The following MPDZ variants were observed in gnomAD, a reference collection of about 807,000 sequenced individuals.
MPDZ encodes the protein multiple PDZ domain crumbs cell polarity complex component.
Under a neutral mutation model 239.1 loss-of-function variants are expected in MPDZ, and 234 were observed. That is an observed-to-expected ratio of 0.98 (90% CI 0.88 to 1.09). The LOEUF is 1.09. Among genes scored for constraint, MPDZ ranks in the 50% least tolerant of loss-of-function variants. MPDZ has a pLI of 0.00. For missense variants in MPDZ, 3,175 were observed against 2,510.0 expected (o/e 1.26, Z -5.66); for synonymous variants, 1,048 against 881.3 (o/e 1.19, Z -3.35).
At chr9:13,142,591 T>A (rs2132581904) in intron 27 of MPDZ, among the ~76,000 whole-genome samples, 1 of 152,268 alleles carries the variant, frequency 6.6e-6, no homozygotes, top group East Asian at 1.9e-4. Flanking sequence ...AAGCACACTG[T>A]AACACACCCA....
chr9:13,215,251 T>C (rs1216964175), intron 10 of MPDZ, among the ~76,000 whole-genome samples: 1 of 151,838 alleles, frequency 6.6e-6, no homozygotes, highest in Non-Finnish European at 1.5e-5. Flanking sequence ...CTTAGCATAA[T>C]GTCCTCAAGG....
chr9:13,250,227 C>T (rs1319364966), intron 2 of MPDZ, 73 bp downstream of exon 2: 4 of 1,417,910 alleles, frequency 2.8e-6, no homozygotes, highest in Admixed American at 1.9e-5. Flanking sequence ...ATGTTAAACA[C>T]AACATATGTC....
chr9:13,181,913 A>C (rs150193898), intron 19 of MPDZ, among the ~76,000 whole-genome samples: 23 of 152,250 alleles, frequency 1.5e-4, no homozygotes, highest in South Asian at 4.1e-4. Flanking sequence ...ACATTCCAGA[A>C]CACATTCCAG....
intron 21 of MPDZ, among the ~76,000 whole-genome samples, chr9:13,175,522 G>A (rs561319083): frequency 6.6e-6 from 1 of 152,030 alleles, no homozygotes; most frequent in Non-Finnish European, 1.5e-5. Flanking sequence ...TGTAAATGAG[G>A]CTTGTGAATA....
chr9:13,114,555 T>C (rs534179571), intron 40 of MPDZ, among the ~76,000 whole-genome samples: 2 of 152,324 alleles, frequency 1.3e-5, no homozygotes, highest in South Asian at 2.1e-4. Flanking sequence ...TTCACTTATA[T>C]GGGACTTTTC....
chr9:13,197,683 G>C (rs1331132315), intron 12 of MPDZ, among the ~76,000 whole-genome samples: 3 of 151,870 alleles, frequency 2.0e-5, no homozygotes, highest in Admixed American at 6.6e-5. Flanking sequence ...CTGTGCTGTT[G>C]AACACTAGAA....
intron 18 of MPDZ, among the ~76,000 whole-genome samples, chr9:13,184,183 A>G (rs1953765680): frequency 6.6e-6 from 1 of 152,050 alleles, no homozygotes; most frequent in South Asian, 2.1e-4. Flanking sequence ...ATAAACTTGT[A>G]AGAAAACTCA....
At position 13,115,165 on chromosome 9, in the gene MPDZ, T is replaced by C. The variant is rs1034007374; in HGVS notation, c.5466+83A>G. 6.7e-6 allele frequency: 8 copies of C among 1,200,504 alleles called. No homozygotes were observed. The East Asian group carries it at 1.2e-4, about 18-fold the overall frequency. The allele number at this position is 1,200,504 out of a possible 1,614,324, so 74.4% of individuals were successfully genotyped here. A position where few individuals can be genotyped will look rare whatever the true frequency, so the allele number is the denominator to read the frequency against. ...CACGCTGCCAGGGGACCAGACCTTG[T>C]ACACAGACCCACAGTCAGGGCCATC... is the stretch of plus-strand genomic sequence containing the variant. On this transcript the variant is annotated intron_variant, in intron 40 of 46. Transcript: ENST00000319217.
chr9:13,222,186 A>G (rs1464663516), intron 6 of MPDZ, 47 bp downstream of exon 6: 2 of 1,516,010 alleles, frequency 1.3e-6, no homozygotes, highest in South Asian at 2.6e-5. Flanking sequence ...AACCAAAAAC[A>G]ACTTGAAAAA....
At chr9:13,180,014 T>G (rs1352150639) in intron 19 of MPDZ, among the ~76,000 whole-genome samples, 2 of 152,112 alleles carry the variant, frequency 1.3e-5, no homozygotes, top group East Asian at 3.9e-4. Flanking sequence ...CTTTATTGTT[T>G]TGACACTGAT....
chr9:13,119,750 T>C lies in MPDZ; in HGVS notation c.5232-101A>G, dbSNP rs1304619394. The stretch of plus-strand genomic sequence containing the variant: ...TTTTACCCAAAATTTTTACTTGTTT[T>C]TATGACTTTAAAAGTTTTGTTATTT... On this transcript the variant is annotated intron_variant, in intron 38 of 46. Coordinates refer to ENST00000319217, the MANE Select transcript of MPDZ (RefSeq NM_001378778.1). 2.1e-6 allele frequency: 3 copies of C among 1,406,396 alleles called. No homozygotes were observed. The South Asian group carries it at 3.6e-5, about 17-fold the overall frequency. The allele number at this position is 1,406,396 out of a possible 1,614,324, so 87.1% of individuals were successfully genotyped here.
In MPDZ at chr9:13,176,279, T is replaced by A. The variant is rs553777554; in HGVS notation, c.2788A>T (p.Thr930Ser). ...DISMGPASGF[T>S]INDYTPANAI... is the part of the protein sequence containing the mutation. ...TTTGCAGGTGTGTAGTCATTTATAG[T>A]AAAGCCAGAAGCAGGCCCCATACTT... The change falls in exon 20 of 47, where the codon ACT becomes TCT. Residue 930 changes from threonine (T) to serine (S), a missense_variant. Transcript: ENST00000319217. 8 of 1,610,418 alleles carry A rather than the reference T, an allele frequency of 5.0e-6. No individual in the cohort carries two copies. Among genetic ancestry groups the A allele is most frequent in the African/African-American group, 2.7e-5 (2 of 75,026 alleles).
chr9:13,273,912 G>A (rs1320985046), intron 1 of MPDZ, among the ~76,000 whole-genome samples: 2 of 152,116 alleles, frequency 1.3e-5, no homozygotes, highest in African/African-American at 4.8e-5. Context: ...TCAAACAAAT[G>A]CTATTAGTAT....
chr9:13,196,732 A>G (rs1214822897), intron 12 of MPDZ, among the ~76,000 whole-genome samples: 1 of 152,070 alleles, frequency 6.6e-6, no homozygotes, highest in African/African-American at 2.4e-5. Context: ...GCTACACATT[A>G]AAATAAAAGC....
At chr9:13,271,227 CTA>C (rs1972882885) in intron 1 of MPDZ, among the ~76,000 whole-genome samples, 2 of 152,136 alleles carry the variant, frequency 1.3e-5, no homozygotes, top group East Asian at 1.9e-4. Context: ...TTTAAATTTT[CTA>C]TGTTATGTTT....
At chr9:13,111,486 T>C (rs1268713645) in intron 43 of MPDZ, among the ~76,000 whole-genome samples, 3 of 152,216 alleles carry the variant, frequency 2.0e-5, no homozygotes, top group Admixed American at 6.5e-5. Context: ...TAATGGAATA[T>C]TCATGTAATT....
intron 19 of MPDZ, among the ~76,000 whole-genome samples, chr9:13,183,193 T>C (rs1563977829): frequency 6.6e-6 from 1 of 152,086 alleles, no homozygotes. Context: ...TGAGCCTCTG[T>C]ATCTATCATT....
chr9:13,136,347 T>TTTTTTTTTTTTTTTTTC (rs1458248652), intron 30 of MPDZ, among the ~76,000 whole-genome samples, 165 bp from the exon 31 acceptor site: 1 of 142,916 alleles, frequency 7.0e-6, no homozygotes, highest in Non-Finnish European at 1.5e-5. Flanking sequence ...TTTTTTTTTT[T>TTTTTTTTTTTTTTTTTC]TTGAGACAGA....
At chr9:13,181,625 C>A (rs1369129322) in intron 19 of MPDZ, among the ~76,000 whole-genome samples, 1 of 152,032 alleles carries the variant, frequency 6.6e-6, no homozygotes, top group African/African-American at 2.4e-5. Flanking sequence ...TTTGCTTCAA[C>A]AAAAGAGTAA....
Sources: gnomAD v4.1 joint callset for allele counts (sites outside exome capture counted in the v4.1 genomes callset) on GRCh38, gnomAD v4.1.1 for gene constraint, MANE v1.5 for transcripts, NCBI Gene and HGNC (gene_info 2026-07-23, HGNC 2026-07-21) for gene names.